NPAS3: variants seen among roughly 807,000 people sequenced by gnomAD.
NPAS3 encodes the protein neuronal PAS domain-containing protein 3.
In NPAS3, 14 loss-of-function variants were observed where a neutral mutation model predicts 73.1. The observed-to-expected ratio is 0.19, with a 90% CI of 0.13 to 0.30. NPAS3 has a LOEUF of 0.30. Ranked by LOEUF, NPAS3 falls within the 10% of genes least tolerant of loss-of-function variation. NPAS3 has a pLI of 1.00. For missense variants in NPAS3, 1,096 were observed against 1,250.0 expected, an observed-to-expected ratio of 0.88 and a Z score of 1.86; for synonymous variants, 620 against 541.5, an observed-to-expected ratio of 1.14 and a Z score of -2.01.
intron 2 of NPAS3, among the ~76,000 whole-genome samples, chr14:33,177,214 A>G (rs2045625074): frequency 6.6e-6 from 1 of 151,516 alleles, no homozygotes; most frequent in African/African-American, 2.4e-5. Context: ...CTCCTGTCTC[A>G]GCCTCCCAAG....
At chr14:33,644,702 C>G (rs1283320716) in intron 5 of NPAS3, among the ~76,000 whole-genome samples, 1 of 152,060 alleles carries the variant, frequency 6.6e-6, no homozygotes, top group Non-Finnish European at 1.5e-5. Context: ...GCCTAGGGTT[C>G]TGTTAGATAC....
At chr14:33,531,998 A>G (rs1433877881) in intron 4 of NPAS3, among the ~76,000 whole-genome samples, 2 of 152,144 alleles carry the variant, frequency 1.3e-5, no homozygotes, top group African/African-American at 4.8e-5. Flanking sequence ...TCTCATGCTT[A>G]CTTTAATTGG....
chr14:33,665,146 G>A (rs11628456), intron 5 of NPAS3, among the ~76,000 whole-genome samples: 54,885 of 152,066 alleles, frequency 0.36, 10,653 homozygotes, highest in Non-Finnish European at 0.44. Flanking sequence ...AGAAAATATG[G>A]CACATATGCA....
At chr14:33,276,082 G>A (rs2041316055) in intron 3 of NPAS3, among the ~76,000 whole-genome samples, 1 of 152,126 alleles carries the variant, frequency 6.6e-6, no homozygotes. Context: ...GTCTGCAACA[G>A]TTGGTAGCAC....
At chr14:33,181,869 G>A (rs2045809974) in intron 2 of NPAS3, among the ~76,000 whole-genome samples, 1 of 152,122 alleles carries the variant, frequency 6.6e-6, no homozygotes, top group African/African-American at 2.4e-5. Flanking sequence ...CAACCCTTTA[G>A]AAATGCTTTT....
chr14:33,180,734 G>C (rs1169626024), intron 2 of NPAS3, among the ~76,000 whole-genome samples: 1 of 147,040 alleles, frequency 6.8e-6, no homozygotes, highest in Non-Finnish European at 1.5e-5. Flanking sequence ...TGGAGGCGGA[G>C]CTTGCAGTGA....
At chr14:33,788,008 T>C (rs1400721227) in intron 9 of NPAS3, among the ~76,000 whole-genome samples, 1 of 152,052 alleles carries the variant, frequency 6.6e-6, no homozygotes, top group Non-Finnish European at 1.5e-5. Context: ...CAGAATGAAG[T>C]TCCCTGTCAG....
intron 5 of NPAS3, among the ~76,000 whole-genome samples, chr14:33,590,165 G>T (rs1176390202): frequency 6.6e-6 from 1 of 152,100 alleles, no homozygotes; most frequent in Admixed American, 6.5e-5. Context: ...TATATTATTT[G>T]CTATGTAAAA....
At chr14:33,318,860 T>G (rs2043317048) in intron 3 of NPAS3, among the ~76,000 whole-genome samples, 1 of 152,172 alleles carries the variant, frequency 6.6e-6, no homozygotes, top group African/African-American at 2.4e-5. Flanking sequence ...CTTCACTTTT[T>G]TAACGTAAAT....
At chr14:33,000,235 GT>G (rs1487141055) in intron 1 of NPAS3, among the ~76,000 whole-genome samples, 1 of 152,124 alleles carries the variant, frequency 6.6e-6, no homozygotes, top group African/African-American at 2.4e-5. Context: ...ATTTTGATCA[GT>G]TTGAACTTGC....
Position 32,995,965 on chromosome 14 carries a change from C to G in NPAS3, c.50+56599C>G, listed in dbSNP as rs2038553453. On this transcript the variant is annotated intron_variant, in intron 1 of 11. Transcript: ENST00000356141. Reference sequence around the variant, plus strand: ...ACAATTTGGAGGGCTCAGAAGAAGACAGGAAAATGTGGGAAAGTTTGGAAC... The same window carrying G: ...ACAATTTGGAGGGCTCAGAAGAAGAGAGGAAAATGTGGGAAAGTTTGGAAC... 2.0e-5 allele frequency among the ~76,000 whole-genome samples: 3 copies of G among 152,098 alleles called. No homozygotes were observed. In the South Asian group the frequency reaches 6.2e-4, roughly 31 times the overall value.
rs181361155 is a variant in NPAS3 at position 33,024,885 on chromosome 14, T to C, written c.51-31020T>C. ...TGCAGAAAATGGATCTTTTCAATAT[T>C]GTAGACCACAATACCCATGTAATGT... On this transcript the variant is annotated intron_variant, in intron 1 of 11. Transcript: ENST00000356141. Among the ~76,000 whole-genome samples, 313 of 152,342 alleles carry C rather than the reference T, an allele frequency of 2.1e-3. 2 individuals carry two copies. Among genetic ancestry groups the C allele is most frequent in the African/African-American group, 7.2e-3 (300 of 41,576 alleles).
intron 2 of NPAS3, among the ~76,000 whole-genome samples, chr14:33,181,474 C>T (rs1185661454): frequency 1.3e-5 from 2 of 152,146 alleles, no homozygotes; most frequent in Non-Finnish European, 2.9e-5. Flanking sequence ...GAGTCCCTCC[C>T]ATGTGATAAT....
chr14:33,601,737 C>T (rs1471882546), intron 5 of NPAS3, among the ~76,000 whole-genome samples: 1 of 152,124 alleles, frequency 6.6e-6, no homozygotes, highest in Non-Finnish European at 1.5e-5. Flanking sequence ...AGACTTAATA[C>T]TTTATTTAAA....
intron 4 of NPAS3, among the ~76,000 whole-genome samples, chr14:33,448,454 G>T (rs952215072): frequency 6.6e-6 from 1 of 152,130 alleles, no homozygotes; most frequent in African/African-American, 2.4e-5. Flanking sequence ...ATGCGGAAGG[G>T]TCGCTGAGGG....
intron 3 of NPAS3, among the ~76,000 whole-genome samples, chr14:33,338,361 G>T (rs906517671): frequency 2.0e-5 from 3 of 152,260 alleles, no homozygotes; most frequent in Admixed American, 6.5e-5. Context: ...TCTTAGCCAA[G>T]ATCTCAGTGG....
intron 2 of NPAS3, among the ~76,000 whole-genome samples, chr14:33,168,686 T>A (rs901874034): frequency 2.6e-5 from 4 of 152,084 alleles, no homozygotes; most frequent in Admixed American, 1.3e-4. Flanking sequence ...CCTCTCCTGA[T>A]TCCTTCATTT....
chr14:33,438,687 C>T (rs996831821), intron 4 of NPAS3, among the ~76,000 whole-genome samples: 3 of 152,168 alleles, frequency 2.0e-5, no homozygotes, highest in African/African-American at 7.2e-5. Flanking sequence ...CTCAGAATCA[C>T]TAAGCTATCC....
chr14:33,065,675 T>C (rs956833930), intron 2 of NPAS3, among the ~76,000 whole-genome samples: 2 of 152,054 alleles, frequency 1.3e-5, no homozygotes, highest in Non-Finnish European at 2.9e-5. Flanking sequence ...TGTCCCTCCC[T>C]CAAGCCAGTT....
Sources: allele counts gnomAD v4.1 joint callset (sites outside exome capture counted in the v4.1 genomes callset), GRCh38; gene constraint gnomAD v4.1.1; transcripts MANE v1.5; gene names NCBI Gene and HGNC (gene_info 2026-07-23, HGNC 2026-07-21).